The following NF1 variants were observed in gnomAD, a reference collection of about 807,000 sequenced individuals.
NF1 encodes neurofibromin.
Under a neutral mutation model 325.7 loss-of-function variants are expected in NF1, and 122 were observed. The observed-to-expected ratio is 0.37, with a 90% confidence interval of 0.32 to 0.44. The LOEUF is 0.44. Ranked by LOEUF, NF1 falls within the 20% of genes least tolerant of loss-of-function variation. The pLI, the probability that NF1 is intolerant of heterozygous loss-of-function variation, is 1.00. For missense variants in NF1, 2,140 were observed against 3,415.4 expected, an observed-to-expected ratio of 0.63 and a Z score of 9.31; for synonymous variants, 1,091 against 1,186.0, an observed-to-expected ratio of 0.92 and a Z score of 1.65.
At chr17:31,231,796 A>G (rs1413971461) in intron 24 of NF1, among the ~76,000 whole-genome samples, 1 of 152,082 alleles carries the variant, frequency 6.6e-6, no homozygotes, top group African/African-American at 2.4e-5. Flanking sequence ...TCACTGATAC[A>G]GAGGGCCCAT....
At chr17:31,308,251 C>T (rs1165118398) in intron 36 of NF1, among the ~76,000 whole-genome samples, 1 of 151,836 alleles carries the variant, frequency 6.6e-6, no homozygotes, top group Non-Finnish European at 1.5e-5. Flanking sequence ...GATTCTTGTG[C>T]CTCATCCTCC....
At chr17:31,240,960 C>G (rs1233152557) in intron 29 of NF1, among the ~76,000 whole-genome samples, 1 of 152,136 alleles carries the variant, frequency 6.6e-6, no homozygotes, top group Non-Finnish European at 1.5e-5. Context: ...TCACTGCAAC[C>G]TCTGCCTCCT....
chr17:31,157,795 TAA>T (rs71142027), intron 2 of NF1, among the ~76,000 whole-genome samples: 76 of 122,142 alleles, frequency 6.2e-4, no homozygotes, highest in African/African-American at 2.0e-3. Context: ...CCGTCTCTAC[TAA>T]AAAAAAAAAA....
At chr17:31,212,128 A>G (rs971777318) in intron 12 of NF1, among the ~76,000 whole-genome samples, 2 of 152,078 alleles carry the variant, frequency 1.3e-5, no homozygotes, top group African/African-American at 4.8e-5. Flanking sequence ...AGTTTTTTCT[A>G]TTTGAAAATG....
Position 31,227,271 on chromosome 17 carries a change from C to A in NF1, c.2305C>A (p.Pro769Thr). 6.2e-7 allele frequency: 1 copy of A among 1,613,652 alleles called. No individual in the cohort carries two copies. Among genetic ancestry groups the A allele is most frequent in the Non-Finnish European group, 8.5e-7 (1 of 1,179,676 alleles). Residue 769 changes from proline (P) to threonine (T), a missense_variant, in exon 19 of 58, where the codon CCC becomes ACC. Around this residue, in one of 10 missense-constraint regions of NF1, gnomAD observed 380 missense variants for 639.3 expected, o/e 0.59. Transcript: ENST00000358273. ...VMALLRRIEHPTAGNTEAWED... is the reference protein window; with the variant it reads ...VMALLRRIEHTTAGNTEAWED... Reference sequence around the variant, plus strand: ...GGCACTGCTGAGGCGCATTGAGCATCCCACTGCAGGAAACACTGAGGTATG... The same window carrying A: ...GGCACTGCTGAGGCGCATTGAGCATACCACTGCAGGAAACACTGAGGTATG...
intron 37 of NF1, 147 bp from the exon 38 acceptor site, chr17:31,327,352 A>T (rs185960480): frequency 4.0e-4 from 271 of 672,020 alleles, no homozygotes; most frequent in Non-Finnish European, 6.4e-4. Flanking sequence ...CATAATAATT[A>T]CTGAACCATT....
At chr17:31,249,387 A>G (rs534754695) in intron 30 of NF1, among the ~76,000 whole-genome samples, 4 of 152,350 alleles carry the variant, frequency 2.6e-5, no homozygotes, top group Middle Eastern at 3.4e-3. Flanking sequence ...TCCATTGGGT[A>G]TGATGGATGT....
chr17:31,268,590 G>T (rs962825510), intron 36 of NF1, among the ~76,000 whole-genome samples: 1 of 147,072 alleles, frequency 6.8e-6, no homozygotes, highest in Non-Finnish European at 1.5e-5. Flanking sequence ...TTGCACCACT[G>T]CACTCCAGCC....
intron 36 of NF1, among the ~76,000 whole-genome samples, chr17:31,290,768 G>C (rs986797346): frequency 6.6e-6 from 1 of 152,178 alleles, no homozygotes; most frequent in Non-Finnish European, 1.5e-5. Context: ...CACTTTGGGA[G>C]GCCGAGGCAA....
rs1048918048 is a variant in NF1, at chr17:31,176,986, G to A, written c.587-4436G>A. On this transcript the variant is annotated intron_variant, in intron 5 of 57. Coordinates refer to ENST00000358273, the MANE Select transcript of NF1 (RefSeq NM_001042492.3). ...TTGCTTAGGATTGTCGTGGTTATGC[G>A]GGCTCTTTTCTGGTTTCATATGAAA... Among the ~76,000 whole-genome samples, 10 of 152,178 alleles carry A rather than the reference G, an allele frequency of 6.6e-5. No homozygotes were observed. The East Asian group carries it at 1.3e-3, about 21-fold the overall frequency.
chr17:31,145,240 T>C (rs1916507258), intron 1 of NF1, among the ~76,000 whole-genome samples: 1 of 152,232 alleles, frequency 6.6e-6, no homozygotes, highest in Admixed American at 6.5e-5. Flanking sequence ...TTGCCCAGAC[T>C]GGAGTGCAGT....
intron 1 of NF1, among the ~76,000 whole-genome samples, chr17:31,116,632 T>G (rs2143340692): frequency 6.6e-6 from 1 of 152,228 alleles, no homozygotes; most frequent in South Asian, 2.1e-4. Context: ...TTAGAAAATT[T>G]TATTTTTAGA....
intron 36 of NF1, chr17:31,308,003 G>A (rs1028932146): frequency 8.8e-5 from 90 of 1,021,520 alleles, no homozygotes; most frequent in Non-Finnish European, 1.2e-4. Flanking sequence ...TTCCCTATAC[G>A]AATAATTCAA....
rs1555604870 is a variant in NF1, at chr17:31,155,991, A to G, written c.69A>G (p.Ile23Met). Residue 23 changes from isoleucine (I) to methionine (M), a missense_variant, in exon 2 of 58, where the codon ATA (isoleucine) becomes ATG (methionine). By Grantham distance (10) the Ile-to-Met change is conservative. Transcript: ENST00000358273. ...TTTTCTTTTTTTTTCAGCTTCCAAT[A>G]AAAACAGGACAGCAGAACACACATA... Reference protein sequence around the residue: ...VVSRFDEQLPIKTGQQNTHTK... With the variant: ...VVSRFDEQLPMKTGQQNTHTK... The G allele has an allele frequency of 6.2e-7, 1 of 1,612,664 alleles. No homozygotes were observed. Among genetic ancestry groups the G allele is most frequent in the Non-Finnish European group, 8.5e-7 (1 of 1,179,570 alleles).
chr17:31,242,332 T>TTTTTTTTTTTG, intron 29 of NF1, among the ~76,000 whole-genome samples: 1 of 142,762 alleles, frequency 7.0e-6, no homozygotes, highest in African/African-American at 2.7e-5. Flanking sequence ...TTTTTTTTTT[T>TTTTTTTTTTTG]GAGATGGAGG....
At chr17:31,302,300 AT>A (rs994492643) in intron 36 of NF1, among the ~76,000 whole-genome samples, 6 of 152,062 alleles carry the variant, frequency 3.9e-5, no homozygotes, top group Non-Finnish European at 7.4e-5. Context: ...GAAAATTGGT[AT>A]TTCCCTATTT....
intron 36 of NF1, among the ~76,000 whole-genome samples, chr17:31,285,681 C>G (rs1597781415): frequency 1.3e-5 from 2 of 152,232 alleles, no homozygotes; most frequent in Middle Eastern, 6.8e-3. Flanking sequence ...AACCCCATCA[C>G]CTGTACAAAA....
At position 31,327,770 on chromosome 17, in the gene NF1, C is replaced by T. The variant is rs1555533631; in HGVS notation, c.5540C>T (p.Pro1847Leu). The T allele has an allele frequency of 6.2e-7, 1 of 1,614,088 alleles. No individual in the cohort carries two copies. The change falls in exon 38 of 58, where the codon CCA (proline) becomes CTA (leucine). Residue 1847 changes from proline (P) to leucine (L), a missense_variant. Around this residue, in one of 10 missense-constraint regions of NF1, gnomAD observed 180 missense variants for 435.1 expected, o/e 0.41. Transcript: ENST00000358273. Reference sequence around the variant, plus strand: ...ATCCCCCAACACACCAAGATTCGGCCAAAAGATGTCCCTGGGACACTGCTC... The same window carrying T: ...ATCCCCCAACACACCAAGATTCGGCTAAAAGATGTCCCTGGGACACTGCTC... ...DSIPQHTKIR[P>L]KDVPGTLLNI...
At chr17:31,146,611 A>G (rs935470273) in intron 1 of NF1, among the ~76,000 whole-genome samples, 3 of 152,204 alleles carry the variant, frequency 2.0e-5, no homozygotes, top group African/African-American at 7.2e-5. Context: ...TTAGTTTTCA[A>G]TTGGAAGTTA....
Sources: allele counts gnomAD v4.1 joint callset (sites outside exome capture counted in the v4.1 genomes callset), GRCh38; gene constraint gnomAD v4.1.1; regional missense constraint gnomAD v4.1.1; transcripts MANE v1.5; gene names NCBI Gene and HGNC (gene_info 2026-07-23, HGNC 2026-07-21).